Variants in PCP4L1 observed in about 807,000 individuals in gnomAD.
The protein encoded by PCP4L1 is Purkinje cell protein 4 like 1.
In PCP4L1, 9 loss-of-function variants were observed where a neutral mutation model predicts 9.6. The observed-to-expected ratio is 0.94, with a 90% confidence interval of 0.57 to 1.64. The LOEUF (loss-of-function observed/expected upper bound fraction) is 1.64. Ranked by LOEUF, PCP4L1 falls within the 40% of genes most tolerant of loss-of-function variation. The pLI, the probability that PCP4L1 is intolerant of heterozygous loss-of-function variation, is 0.00. For synonymous variants in PCP4L1, 31 were observed against 28.2 expected (o/e 1.10, Z -0.31); for missense variants, 81 against 80.8 (o/e 1.00, Z -0.01).
intron 1 of PCP4L1, among the ~76,000 whole-genome samples, chr1:161,273,015 C>T (rs1323300487): frequency 1.3e-5 from 2 of 152,020 alleles, no homozygotes; most frequent in Non-Finnish European, 2.9e-5. Context: ...ATCTCAAAGC[C>T]GAAAGAAAAA....
At chr1:161,282,967 T>G (rs1001780580) in intron 1 of PCP4L1, among the ~76,000 whole-genome samples, 3 of 152,138 alleles carry the variant, frequency 2.0e-5, no homozygotes, top group African/African-American at 7.2e-5. Flanking sequence ...TCTGCATCCT[T>G]TCTCTTTCCC....
At chr1:161,281,873 G>A (rs895463850) in intron 1 of PCP4L1, among the ~76,000 whole-genome samples, 5 of 150,930 alleles carry the variant, frequency 3.3e-5, no homozygotes, top group African/African-American at 1.2e-4. Context: ...ATGGGTGGCC[G>A]GGCAGAGACG....
chr1:161,284,703 A>G lies in PCP4L1; in HGVS notation c.*222A>G. The G allele has an allele frequency of 1.6e-6, 1 of 609,036 alleles. No individual in the cohort carries two copies. The highest frequency in any genetic ancestry group is 2.9e-6 in the Non-Finnish European group (1 of 349,646). 37.7% of individuals were successfully genotyped at this position (609,036 alleles called of 1,614,324 possible). A position where few individuals can be genotyped will look rare whatever the true frequency, so the allele number is the denominator to read the frequency against. ...TCAGCAGTCACTAGTCTAAGGGTGG[A>G]ACAATTTCTTCTTGGTATAAGGTTC... On this transcript the variant is annotated 3_prime_UTR_variant, in exon 3 of 3. Coordinates refer to ENST00000504449, the MANE Select transcript of PCP4L1 (RefSeq NM_001102566.2).
chr1:161,281,037 ATGACTCTTAACGAGCATGC>A (rs1003620804), intron 1 of PCP4L1, among the ~76,000 whole-genome samples: 1 of 152,058 alleles, frequency 6.6e-6, no homozygotes, highest in Non-Finnish European at 1.5e-5. Flanking sequence ...GGGAGTGGTG[ATGACTCTTAACGAGCATGC>A]TGCCTTCAAG....
chr1:161,283,163 C>T (rs1669851810), intron 1 of PCP4L1, among the ~76,000 whole-genome samples: 1 of 152,186 alleles, frequency 6.6e-6, no homozygotes, highest in Admixed American at 6.5e-5. Context: ...ATTCCTCAGA[C>T]AGGCTAGTCA....
At position 161,285,030 on chromosome 1, in the gene PCP4L1, C is replaced by T. The variant is rs1003585871; in HGVS notation, c.*549C>T. ...AAGCAGCTTACCACAATAGTGCATG[C>T]TGAGTAGATTAGTTCCAAGGAAGGG... On this transcript the variant is annotated 3_prime_UTR_variant, in exon 3 of 3. Transcript: ENST00000504449. 6.4e-6 allele frequency: 1 copy of T among 155,684 alleles called. No individual in the cohort carries two copies. The highest frequency in any genetic ancestry group is 1.4e-5 in the Non-Finnish European group (1 of 69,986). The allele number at this position is 155,684 out of a possible 1,614,324, so 9.6% of individuals were successfully genotyped here. A position where few individuals can be genotyped will look rare whatever the true frequency, so the allele number is the denominator to read the frequency against.
At chr1:161,267,989 A>G (rs1669556919) in intron 1 of PCP4L1, among the ~76,000 whole-genome samples, 2 of 152,242 alleles carry the variant, frequency 1.3e-5, no homozygotes, top group African/African-American at 4.8e-5. Context: ...TTGGAATAAC[A>G]GGCGTGAGCC....
At chr1:161,259,254 C>T (rs1253510178) in intron 1 of PCP4L1, among the ~76,000 whole-genome samples, 1 of 152,154 alleles carries the variant, frequency 6.6e-6, no homozygotes, top group East Asian at 1.9e-4. Context: ...GCTGAGCTCT[C>T]AGGTGGTAGG....
intron 1 of PCP4L1, among the ~76,000 whole-genome samples, chr1:161,261,483 C>A (rs563503936): frequency 6.6e-6 from 1 of 152,166 alleles, no homozygotes; most frequent in African/African-American, 2.4e-5. Flanking sequence ...CAGCTGCAGG[C>A]GGGACTTGAT....
chr1:161,276,725 A>ATATG (rs1553257578), intron 1 of PCP4L1, among the ~76,000 whole-genome samples: 14 of 146,582 alleles, frequency 9.6e-5, no homozygotes, highest in East Asian at 4.0e-4. Flanking sequence ...GTATATATAT[A>ATATG]TGTGTGTGTG....
intron 2 of PCP4L1, among the ~76,000 whole-genome samples, chr1:161,283,973 A>C (rs1337935316): frequency 6.6e-6 from 1 of 152,198 alleles, no homozygotes; most frequent in Non-Finnish European, 1.5e-5. Flanking sequence ...GGAGAGAGGT[A>C]CAAGATAAGA....
At chr1:161,269,828 A>G (rs1320898671) in intron 1 of PCP4L1, among the ~76,000 whole-genome samples, 3 of 151,682 alleles carry the variant, frequency 2.0e-5, no homozygotes, top group Non-Finnish European at 2.9e-5. Context: ...GCAAAAACCC[A>G]TCTCTACAAA....
Position 161,284,844 on chromosome 1 carries a change from G to T in PCP4L1, c.*363G>T. ...AAGGCTTTCAGAGTAGGGTGCCTGA[G>T]GGTGGGACATATGCACTGTTCTGCT... is the stretch of plus-strand genomic sequence containing the variant. On this transcript the variant is annotated 3_prime_UTR_variant, in exon 3 of 3. Transcript: ENST00000504449. 3.9e-6 allele frequency: 1 copy of T among 257,270 alleles called. No individual in the cohort carries two copies. Among genetic ancestry groups the T allele is most frequent in the East Asian group, 8.4e-5 (1 of 11,968 alleles). 15.9% of individuals were successfully genotyped at this position (257,270 alleles called of 1,614,324 possible).
chr1:161,271,152 T>C (rs1669619020), intron 1 of PCP4L1, among the ~76,000 whole-genome samples: 1 of 152,258 alleles, frequency 6.6e-6, no homozygotes, highest in South Asian at 2.1e-4. Flanking sequence ...CCAAAGTAGC[T>C]ATACCATCTT....
At chr1:161,262,883 A>G (rs1489794715) in intron 1 of PCP4L1, among the ~76,000 whole-genome samples, 6 of 152,296 alleles carry the variant, frequency 3.9e-5, no homozygotes, top group East Asian at 1.9e-4. Flanking sequence ...TTACTTTTCT[A>G]TATTTCTAAA....
chr1:161,271,911 G>T (rs538382987), intron 1 of PCP4L1, among the ~76,000 whole-genome samples: 60 of 151,404 alleles, frequency 4.0e-4, no homozygotes, highest in African/African-American at 1.4e-3. Flanking sequence ...TCTAGTGATC[G>T]ATCCTCATAC....
chr1:161,280,914 C>T (rs1353816445), intron 1 of PCP4L1, among the ~76,000 whole-genome samples: 1 of 151,722 alleles, frequency 6.6e-6, no homozygotes, highest in Non-Finnish European at 1.5e-5. Flanking sequence ...GGTCATAGGA[C>T]AATAGTGGAG....
chr1:161,284,604 A>T lies in PCP4L1; in HGVS notation c.*123A>T. 7.6e-7 allele frequency: 1 copy of T among 1,318,704 alleles called. No individual in the cohort carries two copies. The allele number at this position is 1,318,704 out of a possible 1,614,324, so 81.7% of individuals were successfully genotyped here. Reference sequence around the variant, plus strand: ...CTTGAGGCAAGTTCAACCTTTATATACTCTTGTATCTGGCCCCCTCAAGCC... The same window carrying T: ...CTTGAGGCAAGTTCAACCTTTATATTCTCTTGTATCTGGCCCCCTCAAGCC... On this transcript the variant is annotated 3_prime_UTR_variant, in exon 3 of 3. Coordinates refer to ENST00000504449, the MANE Select transcript of PCP4L1 (RefSeq NM_001102566.2).
chr1:161,275,017 G>A (rs1434588756), intron 1 of PCP4L1, among the ~76,000 whole-genome samples: 1 of 152,100 alleles, frequency 6.6e-6, no homozygotes, highest in Non-Finnish European at 1.5e-5. Context: ...CCCGGGGGGT[G>A]GGGGGACCAG....
Sources: gnomAD v4.1 joint callset for allele counts (sites outside exome capture counted in the v4.1 genomes callset) on GRCh38, gnomAD v4.1.1 for gene constraint, MANE v1.5 for transcripts, NCBI Gene and HGNC (gene_info 2026-07-23, HGNC 2026-07-21) for gene names.